Variants in ATP10A observed in about 807,000 individuals in gnomAD.
The protein encoded by ATP10A is phospholipid-transporting ATPase VA.
ATP10A carries 111 observed loss-of-function variants against 147.8 expected under a neutral mutation model. That is an observed-to-expected ratio of 0.75 (90% CI 0.64 to 0.88). The LOEUF is 0.88. Among genes scored for constraint, ATP10A ranks in the 40% least tolerant of loss-of-function variants. ATP10A has a pLI of 0.00. For missense variants in ATP10A, 1,927 were observed against 1,959.0 expected, an observed-to-expected ratio of 0.98 and a Z score of 0.31; for synonymous variants, 875 against 841.6, an observed-to-expected ratio of 1.04 and a Z score of -0.69.
intron 3 of ATP10A, among the ~76,000 whole-genome samples, chr15:25,730,623 T>G (rs1902924034): frequency 6.6e-6 from 1 of 152,168 alleles, no homozygotes; most frequent in Admixed American, 6.5e-5. Context: ...CTTCCTCATC[T>G]ATATGAATCA....
upstream of ATP10A, among the ~76,000 whole-genome samples, chr15:25,864,733 G>T (rs1305119337): frequency 6.6e-6 from 1 of 152,194 alleles, no homozygotes; most frequent in Admixed American, 6.5e-5. Context: ...AGGTCTCACA[G>T]TCAACCAGCA....
intron 2 of ATP10A, among the ~76,000 whole-genome samples, chr15:25,756,106 T>A (rs1024680786): frequency 1.3e-5 from 2 of 152,232 alleles, no homozygotes; most frequent in Non-Finnish European, 2.9e-5. Context: ...ATTGTTTACC[T>A]TGTTTCATTT....
chr15:25,860,147 T>C (rs1893693119), intron 1 of ATP10A, among the ~76,000 whole-genome samples: 1 of 152,160 alleles, frequency 6.6e-6, no homozygotes, highest in African/African-American at 2.4e-5. Flanking sequence ...CAGGGCTTCA[T>C]GTCGATGCTT....
intron 2 of ATP10A, among the ~76,000 whole-genome samples, chr15:25,774,089 C>T (rs141297644): frequency 1.2e-4 from 18 of 152,008 alleles, no homozygotes; most frequent in African/African-American, 3.9e-4. Context: ...AAAAGCATTT[C>T]ACATTGTACG....
At chr15:25,677,018 G>A (rs1899150866), downstream of ATP10A, among the ~76,000 whole-genome samples, 2 of 151,926 alleles carry the variant, frequency 1.3e-5, no homozygotes, top group African/African-American at 4.8e-5. Context: ...TGTGCAAGGT[G>A]CCAGGGATCC....
chr15:25,723,240 C>CGGGA (rs1567333435), intron 6 of ATP10A, among the ~76,000 whole-genome samples: 1 of 151,492 alleles, frequency 6.6e-6, no homozygotes, highest in African/African-American at 2.4e-5. Context: ...CCCAGCTACT[C>CGGGA]GGGAGGCTGA....
At chr15:25,782,761 A>C (rs528434785) in intron 1 of ATP10A, among the ~76,000 whole-genome samples, 10 of 152,354 alleles carry the variant, frequency 6.6e-5, no homozygotes, top group African/African-American at 2.2e-4. Context: ...GTCATTTGTA[A>C]GAGTTCCTTG....
chr15:25,740,326 G>A (rs567196274), intron 2 of ATP10A, among the ~76,000 whole-genome samples: 23 of 152,360 alleles, frequency 1.5e-4, no homozygotes, highest in African/African-American at 5.5e-4. Flanking sequence ...CAGCACAGGT[G>A]CACACTTGGG....
intron 1 of ATP10A, among the ~76,000 whole-genome samples, chr15:25,792,873 C>CTTTTTT (rs56011953): frequency 0.012 from 1,594 of 134,136 alleles, 39 homozygotes; most frequent in Middle Eastern, 0.038. Context: ...CCTTTTCAAT[C>CTTTTTT]TTTTTTTTTT....
intron 15 of ATP10A, 35 bp downstream of exon 15, chr15:25,691,680 A>G (rs1900043865): frequency 6.2e-7 from 1 of 1,610,474 alleles, no homozygotes; most frequent in South Asian, 1.1e-5. Context: ...CAGTAGGGCC[A>G]ATTGGTCACA....
At chr15:25,805,115 C>T (rs542483797) in intron 1 of ATP10A, among the ~76,000 whole-genome samples, 1 of 152,322 alleles carries the variant, frequency 6.6e-6, no homozygotes, top group East Asian at 1.9e-4. Flanking sequence ...CCAGCATCCA[C>T]ACACGGGGCC....
intron 3 of ATP10A, among the ~76,000 whole-genome samples, chr15:25,730,724 G>A (rs1356705953): frequency 6.6e-6 from 1 of 151,990 alleles, no homozygotes; most frequent in Non-Finnish European, 1.5e-5. Flanking sequence ...CAAATCCTGG[G>A]CAGAATTTGC....
At position 25,680,181 on chromosome 15, in the gene ATP10A, A is replaced by C; in HGVS notation, c.3806T>G (p.Leu1269Arg). 6.2e-7 allele frequency: 1 copy of C among 1,614,196 alleles called. No individual in the cohort carries two copies. Among genetic ancestry groups the C allele is most frequent in the Non-Finnish European group, 8.5e-7 (1 of 1,180,034 alleles). ...SNPYWTMQAL[L>R]GDPVFYLTCL... ...AGTCAAGTAAAACACTGGGTCACCC[A>C]GTAAGGCTTGCATAGTCCAGTAAGG... is the stretch of plus-strand genomic sequence containing the variant. Residue 1269 changes from leucine (L) to arginine (R), a missense_variant, in exon 20 of 21, where the codon CTG (leucine) becomes CGG (arginine). Physicochemically the swap from Leu to Arg is moderately radical, Grantham distance 102. Transcript: ENST00000555815.
chr15:25,769,565 C>A, intron 2 of ATP10A, among the ~76,000 whole-genome samples: 1 of 151,026 alleles, frequency 6.6e-6, no homozygotes. Flanking sequence ...CTGCAGCCAG[C>A]CGGGGAAGTG....
At chr15:25,769,003 A>C (rs1028390057) in intron 2 of ATP10A, among the ~76,000 whole-genome samples, 3 of 152,186 alleles carry the variant, frequency 2.0e-5, no homozygotes, top group African/African-American at 7.2e-5. Flanking sequence ...GTTTTCCCTC[A>C]CTATTTCTAA....
At chr15:25,707,752 C>T (rs1467756095) in intron 12 of ATP10A, among the ~76,000 whole-genome samples, 1 of 152,126 alleles carries the variant, frequency 6.6e-6, no homozygotes, top group Non-Finnish European at 1.5e-5. Flanking sequence ...GTGGCAGCTG[C>T]TGTCTTGGGG....
At chr15:25,705,244 A>G (rs183650659) in intron 12 of ATP10A, among the ~76,000 whole-genome samples, 114 of 151,942 alleles carry the variant, frequency 7.5e-4, no homozygotes, top group African/African-American at 2.5e-3. Context: ...AGTTTGAGAC[A>G]AGCCTGAGTG....
intron 1 of ATP10A, among the ~76,000 whole-genome samples, chr15:25,852,213 C>T (rs1414567212): frequency 1.3e-5 from 2 of 151,904 alleles, no homozygotes; most frequent in Non-Finnish European, 2.9e-5. Context: ...ATGCCATCCT[C>T]CCTCTATCCT....
At chr15:25,850,640 C>T (rs1893248806) in intron 1 of ATP10A, among the ~76,000 whole-genome samples, 1 of 148,392 alleles carries the variant, frequency 6.7e-6, no homozygotes, top group Non-Finnish European at 1.5e-5. Flanking sequence ...TCCCTCCCTC[C>T]CTCCCCCCCC....
Sources: allele counts gnomAD v4.1 joint callset (sites outside exome capture counted in the v4.1 genomes callset), GRCh38; gene constraint gnomAD v4.1.1; transcripts MANE v1.5; gene names NCBI Gene and HGNC (gene_info 2026-07-23, HGNC 2026-07-21).